DIP2B: variants seen among roughly 807,000 people sequenced by gnomAD.
DIP2B encodes DIP2 acetate--CoA ligase B (putative), also known as disco-interacting protein 2 homolog B.
DIP2B carries 76 observed loss-of-function variants against 198.0 expected under a neutral mutation model. The observed-to-expected ratio is 0.38, with a 90% CI of 0.32 to 0.46. DIP2B has a LOEUF of 0.46. DIP2B is among the 20% of genes least tolerant of loss of function. DIP2B has a pLI of 0.99. For synonymous variants in DIP2B, 701 were observed against 739.1 expected (o/e 0.95, Z 0.84); for missense variants, 1,559 against 1,978.4 (o/e 0.79, Z 4.02).
intron 1 of DIP2B, among the ~76,000 whole-genome samples, chr12:50,532,341 C>T (rs537797303): frequency 5.3e-4 from 81 of 151,954 alleles, no homozygotes; most frequent in Middle Eastern, 3.4e-3. Flanking sequence ...ATAGTGAAAC[C>T]GCGTGTCTAC....
At chr12:50,529,866 GAA>G (rs1958200170) in intron 1 of DIP2B, among the ~76,000 whole-genome samples, 1 of 149,676 alleles carries the variant, frequency 6.7e-6, no homozygotes, top group African/African-American at 2.5e-5. Flanking sequence ...CTCAAAAAAA[GAA>G]AAAAGAAAAA....
At chr12:50,668,251 A>G (rs1285028908) in intron 4 of DIP2B, among the ~76,000 whole-genome samples, 1 of 152,144 alleles carries the variant, frequency 6.6e-6, no homozygotes, top group Non-Finnish European at 1.5e-5. Flanking sequence ...AAGAATAGGG[A>G]CTATGTCTTC....
At chr12:50,526,215 A>C (rs1325291790) in intron 1 of DIP2B, among the ~76,000 whole-genome samples, 1 of 152,204 alleles carries the variant, frequency 6.6e-6, no homozygotes, top group East Asian at 1.9e-4. Context: ...TAAAGAGTAA[A>C]GAAGTGTAGG....
chr12:50,735,779 A>G (rs1404045775), intron 34 of DIP2B, among the ~76,000 whole-genome samples: 1 of 152,136 alleles, frequency 6.6e-6, no homozygotes, highest in Non-Finnish European at 1.5e-5. Flanking sequence ...CTATCTTACA[A>G]ACGTCACAAG....
At chr12:50,575,424 C>A (rs1958650820) in intron 1 of DIP2B, among the ~76,000 whole-genome samples, 1 of 151,896 alleles carries the variant, frequency 6.6e-6, no homozygotes, top group Non-Finnish European at 1.5e-5. Context: ...GCTCTGTCAC[C>A]CAGGCTGGAG....
intron 7 of DIP2B, 153 bp downstream of exon 7, chr12:50,675,601 A>G (rs1263554967): frequency 4.3e-5 from 17 of 395,882 alleles, no homozygotes; most frequent in Non-Finnish European, 5.5e-5. Flanking sequence ...CCTAATGATT[A>G]TCTGTATTTT....
rs549246260 is a variant in DIP2B, at chr12:50,604,838, A to G, written c.101-21138A>G. 1.4e-3 allele frequency among the ~76,000 whole-genome samples: 216 copies of G among 152,294 alleles called. 1 individual carries two copies. Among genetic ancestry groups the G allele is most frequent in the Middle Eastern group, 3.4e-3 (1 of 292 alleles). On this transcript the variant is annotated intron_variant, in intron 1 of 37. Transcript: ENST00000301180. ...ATGATCTGGTATGTAGTCAATTTCT[A>G]TAAATGTTCTATTTAAAAAGAATAT...
At chr12:50,641,945 G>A (rs1938263749) in intron 3 of DIP2B, among the ~76,000 whole-genome samples, 1 of 152,054 alleles carries the variant, frequency 6.6e-6, no homozygotes, top group African/African-American at 2.4e-5. Context: ...TACTGACCAA[G>A]GTTGCCTTAA....
intron 1 of DIP2B, among the ~76,000 whole-genome samples, chr12:50,597,521 C>G (rs1214139613): frequency 6.6e-6 from 1 of 152,048 alleles, no homozygotes; most frequent in Non-Finnish European, 1.5e-5. Context: ...GGTGCTGAGC[C>G]CTTCTATGCA....
At position 50,726,290 on chromosome 12, in the gene DIP2B, AC is replaced by A. The variant is rs569075863; in HGVS notation, c.3400+1405del. Among the ~76,000 whole-genome samples, 15 of 152,338 alleles carry A rather than the reference AC, an allele frequency of 9.8e-5. No homozygotes were observed. The South Asian group carries it at 3.1e-3, about 32-fold the overall frequency. On this transcript the variant is annotated intron_variant, in intron 28 of 37. Transcript: ENST00000301180. ...CCTGGTTTTGGCATACTTATAAAGC[AC>A]ATGGGGGGAAGCAGAGGAGGTATCA...
intron 1 of DIP2B, among the ~76,000 whole-genome samples, chr12:50,552,707 C>T (rs1017682273): frequency 6.6e-6 from 1 of 152,088 alleles, no homozygotes; most frequent in East Asian, 1.9e-4. Context: ...TTCCTTTTGG[C>T]GTCATATCCA....
chr12:50,541,789 G>T (rs1009449909), intron 1 of DIP2B, among the ~76,000 whole-genome samples: 3 of 148,518 alleles, frequency 2.0e-5, no homozygotes, highest in Non-Finnish European at 4.5e-5. Flanking sequence ...ATCACTTGAG[G>T]CCGGGAATTG....
chr12:50,590,407 T>C (rs1958809047), intron 1 of DIP2B, among the ~76,000 whole-genome samples: 1 of 152,094 alleles, frequency 6.6e-6, no homozygotes, highest in Non-Finnish European at 1.5e-5. Flanking sequence ...CCTTGCTCTG[T>C]TGCCCAGGCT....
chr12:50,741,289 C>T, intron 36 of DIP2B, 127 bp from the exon 37 acceptor site: 1 of 1,173,592 alleles, frequency 8.5e-7, no homozygotes, highest in Non-Finnish European at 1.2e-6. Context: ...GGAATTTGCC[C>T]AGAGTTACAC....
At chr12:50,632,700 C>A (rs1389167616) in intron 2 of DIP2B, among the ~76,000 whole-genome samples, 1 of 151,110 alleles carries the variant, frequency 6.6e-6, no homozygotes, top group African/African-American at 2.4e-5. Flanking sequence ...CCACACCTGG[C>A]TAATTTTTGT....
chr12:50,629,730 AC>A (rs936843140), intron 2 of DIP2B, among the ~76,000 whole-genome samples: 1 of 151,310 alleles, frequency 6.6e-6, no homozygotes, highest in Non-Finnish European at 1.5e-5. Context: ...ACCATTACTA[AC>A]CCCTCCCTGC....
At chr12:50,579,678 T>A (rs868463209) in intron 1 of DIP2B, among the ~76,000 whole-genome samples, 1 of 1,362 alleles carries the variant, frequency 7.3e-4, no homozygotes, top group Non-Finnish European at 1.5e-3. Context: ...TATATATATA[T>A]ATATATATAT....
intron 3 of DIP2B, chr12:50,655,014 T>C (rs969409860): frequency 4.4e-6 from 2 of 450,876 alleles, no homozygotes; most frequent in Admixed American, 2.4e-5. Context: ...TATTTAGAAT[T>C]CTCTCTTGTC....
At chr12:50,586,889 A>G (rs1250803520) in intron 1 of DIP2B, among the ~76,000 whole-genome samples, 2 of 152,224 alleles carry the variant, frequency 1.3e-5, no homozygotes, top group East Asian at 3.9e-4. Context: ...TTTTTTAAAT[A>G]AAAAGCTATT....
Sources: gnomAD v4.1 joint callset for allele counts (sites outside exome capture counted in the v4.1 genomes callset) on GRCh38, gnomAD v4.1.1 for gene constraint, MANE v1.5 for transcripts, NCBI Gene and HGNC (gene_info 2026-07-23, HGNC 2026-07-21) for gene names.